The following MARCHF4 variants were observed in gnomAD, a reference collection of about 807,000 sequenced individuals.
The protein encoded by MARCHF4 is membrane associated ring-CH-type finger 4.
In MARCHF4, 14 loss-of-function variants were observed where a neutral mutation model predicts 43.9. That is an observed-to-expected ratio of 0.32 (90% confidence interval 0.21 to 0.50). The LOEUF (loss-of-function observed/expected upper bound fraction) is 0.50, where lower values mean the gene tolerates loss of function less well. MARCHF4 is among the 20% of genes least tolerant of loss of function. The probability of loss-of-function intolerance (pLI) is 0.98; values close to 1 mark genes in which losing one functional copy is unlikely to be tolerated. For synonymous variants in MARCHF4, 226 were observed against 213.3 expected (o/e 1.06, Z -0.52); for missense variants, 468 against 536.7 (o/e 0.87, Z 1.27).
In MARCHF4 at chr2:216,258,145, G is replaced by C. The variant is rs1406491341; in HGVS notation, c.*1167C>G. The C allele has an allele frequency of 6.6e-6, 1 of 152,174 alleles. No homozygotes were observed. Among genetic ancestry groups the C allele is most frequent in the South Asian group, 2.1e-4 (1 of 4,826 alleles). 9.4% of individuals were successfully genotyped at this position (152,174 alleles called of 1,614,324 possible). ...CTGGCTACGCGGGAAGGAGCAGGGAGCACAAAGCACTGAGCATCAGCCTGA... is the reference window on the plus strand; with the variant it reads ...CTGGCTACGCGGGAAGGAGCAGGGACCACAAAGCACTGAGCATCAGCCTGA... On this transcript the variant is annotated 3_prime_UTR_variant, in exon 4 of 4. Transcript: ENST00000273067.
At chr2:216,326,979 T>C (rs992819602) in intron 1 of MARCHF4, among the ~76,000 whole-genome samples, 17 of 151,896 alleles carry the variant, frequency 1.1e-4, no homozygotes, top group Non-Finnish European at 1.8e-4. Flanking sequence ...AATAAATAAA[T>C]AAATAAATAA....
chr2:216,288,813 G>A (rs78335328), intron 1 of MARCHF4, among the ~76,000 whole-genome samples: 1 of 152,246 alleles, frequency 6.6e-6, no homozygotes, highest in African/African-American at 2.4e-5. Flanking sequence ...ACGAAGGCGT[G>A]TTGAGCTAAG....
chr2:216,315,618 G>C (rs755092492), intron 1 of MARCHF4, among the ~76,000 whole-genome samples: 7 of 152,140 alleles, frequency 4.6e-5, no homozygotes, highest in Non-Finnish European at 8.8e-5. Flanking sequence ...TCAAGATGTT[G>C]AGTAGAAAAG....
chr2:216,266,224 C>G (rs1242191587), intron 3 of MARCHF4: 2 of 152,176 alleles, frequency 1.3e-5, no homozygotes, highest in African/African-American at 4.8e-5. Flanking sequence ...AGGTAAGGGA[C>G]TTCCTCTCTC....
rs1473626039 is a variant in MARCHF4 at position 216,263,533 on chromosome 2, GAGAGAA to G, written c.866-3860_866-3855del. On this transcript the variant is annotated intron_variant, in intron 3 of 3. Transcript: ENST00000273067. ...AGAGAGAGAGAGAGAGAGAGAGAGA[GAGAGAA>G]AGAGAGAGAGAGAAAGAAGAAAAAG... Among the ~76,000 whole-genome samples, 9 of 150,328 alleles carry G rather than the reference GAGAGAA, an allele frequency of 6.0e-5. No individual in the cohort carries two copies. The East Asian group carries it at 9.7e-4, about 16-fold the overall frequency.
At chr2:216,316,235 A>C (rs1202294106) in intron 1 of MARCHF4, among the ~76,000 whole-genome samples, 1 of 152,168 alleles carries the variant, frequency 6.6e-6, no homozygotes, top group Non-Finnish European at 1.5e-5. Context: ...GTCAGGCATG[A>C]TTAGAAAGGT....
chr2:216,333,517 A>G (rs1298708680), intron 1 of MARCHF4, among the ~76,000 whole-genome samples: 1 of 152,220 alleles, frequency 6.6e-6, no homozygotes, highest in Non-Finnish European at 1.5e-5. Flanking sequence ...GAGACTCTTC[A>G]TTGCTAGTGG....
chr2:216,320,658 TCTTTCTTTCTTTC>T (rs1559098620), intron 1 of MARCHF4, among the ~76,000 whole-genome samples: 23 of 122,950 alleles, frequency 1.9e-4, no homozygotes, highest in African/African-American at 8.0e-4. Context: ...TTTCTTTCTT[TCTTTCTTTCTTTC>T]TTTCTTTTTT....
Position 216,340,824 on chromosome 2 carries a change from G to C in MARCHF4, c.516+28921C>G, listed in dbSNP as rs201896502. On this transcript the variant is annotated intron_variant, in intron 1 of 3. Transcript: ENST00000273067. ...CAATATGTGGGGGCCACAGAATAGA[G>C]GCTGGCAGGGCCTTGGATGCTGCAC... Among the ~76,000 whole-genome samples, 84 of 152,330 alleles carry C rather than the reference G, an allele frequency of 5.5e-4. 1 individual carries two copies. In the East Asian group the frequency reaches 0.013, roughly 23 times the overall value.
chr2:216,296,374 C>A (rs1162956279), intron 1 of MARCHF4, among the ~76,000 whole-genome samples: 3 of 151,964 alleles, frequency 2.0e-5, no homozygotes, highest in Admixed American at 6.6e-5. Flanking sequence ...AAATCAGATA[C>A]CCCAGCCCTT....
intron 1 of MARCHF4, among the ~76,000 whole-genome samples, chr2:216,339,577 C>T (rs889154701): frequency 1.3e-5 from 2 of 152,214 alleles, no homozygotes; most frequent in Non-Finnish European, 2.9e-5. Context: ...GCTTTTCTCT[C>T]TTGGCTGCTC....
intron 1 of MARCHF4, among the ~76,000 whole-genome samples, chr2:216,333,198 T>C (rs1027804036): frequency 1.3e-5 from 2 of 152,076 alleles, no homozygotes; most frequent in African/African-American, 4.8e-5. Flanking sequence ...ATTTAGAGAG[T>C]AAAGGGGCAA....
chr2:216,338,509 G>T (rs968775025), intron 1 of MARCHF4, among the ~76,000 whole-genome samples: 1 of 152,096 alleles, frequency 6.6e-6, no homozygotes, highest in Non-Finnish European at 1.5e-5. Context: ...CTCAGTGGTC[G>T]CAGTTCCCAT....
intron 1 of MARCHF4, among the ~76,000 whole-genome samples, chr2:216,344,130 T>C (rs1692276920): frequency 1.3e-5 from 2 of 152,160 alleles, no homozygotes; most frequent in Non-Finnish European, 2.9e-5. Flanking sequence ...AATGTTGTGT[T>C]AGTTATAGAG....
intron 1 of MARCHF4, among the ~76,000 whole-genome samples, chr2:216,307,498 T>G (rs1435964411): frequency 1.3e-5 from 2 of 151,614 alleles, no homozygotes; most frequent in Admixed American, 1.3e-4. Flanking sequence ...GGGTAACTGG[T>G]GGGAGGGGTA....
Position 216,320,675 on chromosome 2 carries a change from CTTT to C in MARCHF4, c.517-36949_517-36947del, listed in dbSNP as rs749350936. On this transcript the variant is annotated intron_variant, in intron 1 of 3. Coordinates refer to ENST00000273067, the MANE Select transcript of MARCHF4 (RefSeq NM_020814.3). Reference sequence around the variant, plus strand: ...TCTTTCTTTCTTTCTTTCTTTCTTTCTTTTTTTTTTTTTGAGATGGAGTCCCAC... The same window carrying C: ...TCTTTCTTTCTTTCTTTCTTTCTTTCTTTTTTTTTTGAGATGGAGTCCCAC... 3.6e-4 allele frequency among the ~76,000 whole-genome samples: 12 copies of C among 33,106 alleles called. No homozygotes were observed. In the East Asian group the frequency reaches 5.5e-3, roughly 15 times the overall value. The allele number at this position is 33,106 out of a possible 152,430, so 21.7% of individuals were successfully genotyped here. A position where few individuals can be genotyped will look rare whatever the true frequency, so the allele number is the denominator to read the frequency against.
chr2:216,271,612 C>T (rs992519772), intron 3 of MARCHF4, among the ~76,000 whole-genome samples: 7 of 152,130 alleles, frequency 4.6e-5, no homozygotes, highest in East Asian at 3.8e-4. Flanking sequence ...GGATATGACC[C>T]GCTCTGACTC....
At position 216,333,371 on chromosome 2, in the gene MARCHF4, C is replaced by A. The variant is rs11885313; in HGVS notation, c.516+36374G>T. ...TTCACAAAAGAAGATGGCCAAAGGG[C>A]GAATAAATTTATGAAAAAGTGTTCA... is the stretch of plus-strand genomic sequence containing the variant. On this transcript the variant is annotated intron_variant, in intron 1 of 3. Coordinates refer to ENST00000273067, the MANE Select transcript of MARCHF4 (RefSeq NM_020814.3). Among the ~76,000 whole-genome samples, 1,186 of 152,034 alleles carry A rather than the reference C, an allele frequency of 7.8e-3. 13 individuals carry two copies. Among genetic ancestry groups the A allele is most frequent in the African/African-American group, 0.027 (1,120 of 41,464 alleles).
intron 1 of MARCHF4, among the ~76,000 whole-genome samples, chr2:216,364,084 A>C (rs10932658): frequency 4.9e-4 from 75 of 152,252 alleles, no homozygotes; most frequent in African/African-American, 1.7e-3. Context: ...GACAGCTTTG[A>C]TAGAAAGTTT....
Sources: gnomAD v4.1 joint callset for allele counts (sites outside exome capture counted in the v4.1 genomes callset) on GRCh38, gnomAD v4.1.1 for gene constraint, MANE v1.5 for transcripts, NCBI Gene and HGNC (gene_info 2026-07-23, HGNC 2026-07-21) for gene names.